The following RPTOR variants were observed in gnomAD, a reference collection of about 807,000 sequenced individuals.
RPTOR encodes the protein regulatory-associated protein of mTOR.
RPTOR carries 21 observed loss-of-function variants against 169.9 expected under a neutral mutation model. The ratio of observed to expected loss-of-function variants is 0.12; its 90% CI spans 0.09 to 0.18. The LOEUF is 0.18. Among genes scored for constraint, RPTOR ranks in the 10% least tolerant of loss-of-function variants. The pLI is 1.00. For missense variants in RPTOR, 1,133 were observed against 1,855.9 expected (o/e 0.61, Z 7.16); for synonymous variants, 732 against 753.2 (o/e 0.97, Z 0.46).
chr17:80,709,313 C>G (rs930413791), intron 4 of RPTOR, among the ~76,000 whole-genome samples: 2 of 152,232 alleles, frequency 1.3e-5, no homozygotes, highest in Admixed American at 1.3e-4. Flanking sequence ...GTGTCTTTCT[C>G]AGCTGCAGTC....
intron 5 of RPTOR, among the ~76,000 whole-genome samples, chr17:80,740,193 T>A (rs1054973914): frequency 6.6e-6 from 1 of 152,178 alleles, no homozygotes; most frequent in Non-Finnish European, 1.5e-5. Context: ...ATCCAACCAA[T>A]TGAATATTCT....
Position 80,845,548 on chromosome 17 carries a change from G to A in RPTOR, c.1213-925G>A, listed in dbSNP as rs1265512926. Among the ~76,000 whole-genome samples the A allele has an allele frequency of 5.9e-5, 9 of 151,740 alleles. No homozygotes were observed. The highest frequency in any genetic ancestry group is 1.2e-4 in the Non-Finnish European group (8 of 67,932). The stretch of plus-strand genomic sequence containing the variant: ...CCTGGTTCCCCTGGGGAGCAGCCCT[G>A]CTCTGCCAGCCCAGCCTGTGCTTCC... On this transcript the variant is annotated intron_variant, in intron 10 of 33. Transcript: ENST00000306801. The surrounding 1 kb of genome is among the most constrained non-coding windows in gnomAD (Gnocchi z 5.4).
At chr17:80,886,962 T>C (rs894738458) in intron 17 of RPTOR, among the ~76,000 whole-genome samples, 3 of 152,040 alleles carry the variant, frequency 2.0e-5, no homozygotes, top group Non-Finnish European at 4.4e-5. Flanking sequence ...GCTGTGGAGC[T>C]CCTGAGGGCT....
chr17:80,758,040 T>C (rs1475806155), intron 6 of RPTOR, among the ~76,000 whole-genome samples: 5 of 152,220 alleles, frequency 3.3e-5, no homozygotes, highest in Admixed American at 2.6e-4. Context: ...CAGTCCCGAC[T>C]GTGTATGTAA....
At chr17:80,686,502 C>T (rs908338923) in intron 3 of RPTOR, among the ~76,000 whole-genome samples, 4 of 151,952 alleles carry the variant, frequency 2.6e-5, no homozygotes, top group South Asian at 2.1e-4. Flanking sequence ...TCTACCCTCA[C>T]GACAAAGCCA....
At chr17:80,880,356 G>C in intron 13 of RPTOR, 59 bp from the exon 14 acceptor site, 7 of 1,412,264 alleles carry the variant, frequency 5.0e-6, no homozygotes, top group Non-Finnish European at 7.0e-6. Context: ...ACCATGAGAA[G>C]CTTGTGGCAT....
At chr17:80,758,766 C>G (rs1484758336) in intron 6 of RPTOR, among the ~76,000 whole-genome samples, 1 of 152,020 alleles carries the variant, frequency 6.6e-6, no homozygotes, top group Non-Finnish European at 1.5e-5. Flanking sequence ...TGCCTTTAGA[C>G]TCTGCCCAGA....
chr17:80,819,467 C>T (rs765745433), intron 7 of RPTOR, among the ~76,000 whole-genome samples: 4 of 152,128 alleles, frequency 2.6e-5, no homozygotes, highest in African/African-American at 4.8e-5. Flanking sequence ...GTGGTTGTTG[C>T]GTGGTTTGTT....
chr17:80,827,919 CTG>C (rs1408977506), intron 9 of RPTOR, among the ~76,000 whole-genome samples: 1 of 152,216 alleles, frequency 6.6e-6, no homozygotes, highest in Non-Finnish European at 1.5e-5. Flanking sequence ...TGATGAGAAA[CTG>C]GGGTGTGTGA....
chr17:80,811,549 C>T (rs1222451859), intron 7 of RPTOR, among the ~76,000 whole-genome samples: 2 of 151,940 alleles, frequency 1.3e-5, no homozygotes, highest in Admixed American at 1.3e-4. Flanking sequence ...TCCAACAAGG[C>T]CTAAACCTCA....
chr17:80,559,150 T>G (rs2084447439), intron 1 of RPTOR, among the ~76,000 whole-genome samples: 1 of 152,204 alleles, frequency 6.6e-6, no homozygotes, highest in Non-Finnish European at 1.5e-5. Context: ...TCTGAATGTT[T>G]TGGCCTTGCA....
chr17:80,882,697 C>T (rs1053522803), intron 14 of RPTOR, among the ~76,000 whole-genome samples: 2 of 152,142 alleles, frequency 1.3e-5, no homozygotes, highest in African/African-American at 4.8e-5. Context: ...ATGCAGGACA[C>T]GGCAAAAAGC....
At chr17:80,849,214 G>T (rs371103055) in intron 11 of RPTOR, among the ~76,000 whole-genome samples, 1 of 152,202 alleles carries the variant, frequency 6.6e-6, no homozygotes, top group South Asian at 2.1e-4. Flanking sequence ...ATTCTCTAGT[G>T]CCTTGGCAAG....
chr17:80,775,940 G>A (rs1387944954), intron 6 of RPTOR, among the ~76,000 whole-genome samples: 1 of 152,110 alleles, frequency 6.6e-6, no homozygotes, highest in Non-Finnish European at 1.5e-5. Flanking sequence ...TTCAAATTTA[G>A]TATTCCATCA....
chr17:80,880,702 C>T, intron 14 of RPTOR, among the ~76,000 whole-genome samples: 1 of 152,240 alleles, frequency 6.6e-6, no homozygotes, highest in East Asian at 1.9e-4. Flanking sequence ...GTGTCTGTCT[C>T]TAAACAAGAG....
At chr17:80,931,763 C>T (rs1240083396) in intron 24 of RPTOR, among the ~76,000 whole-genome samples, 1 of 152,230 alleles carries the variant, frequency 6.6e-6, no homozygotes, top group Non-Finnish European at 1.5e-5. Context: ...GACCCAGAGA[C>T]ACAGGCCCTG....
chr17:80,835,994 C>T (rs1423740299), intron 9 of RPTOR, among the ~76,000 whole-genome samples: 1 of 152,170 alleles, frequency 6.6e-6, no homozygotes. Flanking sequence ...GTGTCAGCCG[C>T]TCTACGAGGA....
chr17:80,757,193 G>A (rs1174269198), intron 6 of RPTOR, among the ~76,000 whole-genome samples: 1 of 152,156 alleles, frequency 6.6e-6, no homozygotes, highest in Non-Finnish European at 1.5e-5. Flanking sequence ...ATATGGCAGA[G>A]CTGAAAATAC....
chr17:80,907,794 C>T (rs1351740005), intron 20 of RPTOR, among the ~76,000 whole-genome samples: 2 of 152,200 alleles, frequency 1.3e-5, no homozygotes, highest in East Asian at 1.9e-4. Context: ...TACCCCCTCT[C>T]GCTCCACCCC....
Sources: gnomAD v4.1 joint callset for allele counts (sites outside exome capture counted in the v4.1 genomes callset) on GRCh38, gnomAD v4.1.1 for gene constraint, Gnocchi (gnomAD v3.1) non-coding constraint, MANE v1.5 for transcripts, NCBI Gene and HGNC (gene_info 2026-07-23, HGNC 2026-07-21) for gene names.